DEFB121: variants seen among roughly 807,000 people sequenced by gnomAD.
DEFB121 encodes defensin beta 121.
In DEFB121, 5 loss-of-function variants were observed where a neutral mutation model predicts 2.5. The ratio of observed to expected loss-of-function variants is 1.96; its 90% CI spans 1.03 to 4.13. DEFB121 has a LOEUF of 4.13. Ranked by LOEUF, DEFB121 falls within the 30% of genes most tolerant of loss-of-function variation. The pLI, the probability that DEFB121 is intolerant of heterozygous loss-of-function variation, is 0.00. For missense variants in DEFB121, 87 were observed against 85.0 expected (o/e 1.02, Z -0.09); for synonymous variants, 39 against 32.6 (o/e 1.20, Z -0.67).
rs569647064 is a variant in DEFB121 at position 31,406,163 on chromosome 20, T to C, written c.-11A>G. 1.9e-6 allele frequency: 3 copies of C among 1,614,014 alleles called. No individual in the cohort carries two copies. The African/African-American group carries it at 4.0e-5, about 22-fold the overall frequency. On this transcript the variant is annotated 5_prime_UTR_variant, in exon 1 of 2. Transcript: ENST00000376314. Reference sequence around the variant, plus strand: ...AAGAAGGAGCTTCATGAATGATGAATGATCAGGGAGGGATAGGAGGCTTCT... The same window carrying C: ...AAGAAGGAGCTTCATGAATGATGAACGATCAGGGAGGGATAGGAGGCTTCT...
rs967966294 is a variant in DEFB121 at position 31,404,926 on chromosome 20, G to A, written c.218C>T (p.Thr73Ile). The change falls in exon 2 of 2, where the codon ACT (threonine) becomes ATT (isoleucine). Residue 73 changes from threonine to isoleucine, a missense_variant. By Grantham distance (89) the Thr-to-Ile change is moderately conservative (BLOSUM62 -1). Coordinates refer to ENST00000376314, the MANE Select transcript of DEFB121 (RefSeq NM_001011878.3). ...LTDTNTSLES[T>I]SAV ...GGAAGAGAGGTGTCAGACTGCAGAAGTTGATTCCAGGCTTGTATTTGTGTC... is the reference window on the plus strand; with the variant it reads ...GGAAGAGAGGTGTCAGACTGCAGAAATTGATTCCAGGCTTGTATTTGTGTC... 1.2e-6 allele frequency: 2 copies of A among 1,613,866 alleles called. No homozygotes were observed. Among genetic ancestry groups the A allele is most frequent in the Non-Finnish European group, 8.5e-7 (1 of 1,179,986 alleles).
chr20:31,418,265 A>AAAAAAAAC, the DEFB121 span, among the ~76,000 whole-genome samples: 1 of 83,320 alleles, frequency 1.2e-5, no homozygotes, highest in African/African-American at 8.8e-5. Context: ...GTCTCAAAAA[A>AAAAAAAAC]AAAAAAAAAA....
At chr20:31,408,025 C>T (rs557022923), upstream of DEFB121, among the ~76,000 whole-genome samples, 3 of 152,312 alleles carry the variant, frequency 2.0e-5, no homozygotes, top group East Asian at 5.8e-4. Flanking sequence ...GTGATCCACC[C>T]GCCTCAGCCT....
rs1978427637 is a variant in DEFB121 at position 31,405,002 on chromosome 20, C to T, written c.142G>A (p.Ala48Thr). 2 of 1,613,886 alleles carry T rather than the reference C, an allele frequency of 1.2e-6. No individual in the cohort carries two copies. The highest frequency in any genetic ancestry group is 1.3e-5 in the African/African-American group (1 of 74,904). ...EVYYILCKTE[A>T]KCCVDPKYVP... ...TACTTGGGATCCACACAGCACTTAG[C>T]CTCAGTTTTGCATAATATATAGTAT... The change falls in exon 2 of 2, where the codon GCT becomes ACT. Residue 48 changes from alanine to threonine, a missense_variant. Coordinates refer to ENST00000376314, the MANE Select transcript of DEFB121 (RefSeq NM_001011878.3).
chr20:31,414,686 C>CA (rs1356747486), upstream of DEFB121, among the ~76,000 whole-genome samples: 16 of 152,142 alleles, frequency 1.1e-4, no homozygotes, highest in Non-Finnish European at 4.4e-5. Flanking sequence ...TGATGATTGT[C>CA]AGGAGCTGGG....
chr20:31,416,273 C>G (rs34098538), upstream of DEFB121, among the ~76,000 whole-genome samples: 65,916 of 152,026 alleles, frequency 0.43, 16,847 homozygotes, highest in East Asian at 0.74. Flanking sequence ...GTTAGCCAGG[C>G]TGGTCTCAAA....
chr20:31,404,935 A>C lies in DEFB121; in HGVS notation c.209T>G (p.Leu70Arg). The change falls in exon 2 of 2, where the codon CTG (leucine) becomes CGG (arginine). Residue 70 changes from leucine to arginine, a missense_variant. Physicochemically the swap from Leu to Arg is moderately radical, Grantham distance 102. Coordinates refer to ENST00000376314, the MANE Select transcript of DEFB121 (RefSeq NM_001011878.3). ...KPKLTDTNTS[L>R]ESTSAV ...GTGTCAGACTGCAGAAGTTGATTCC[A>C]GGCTTGTATTTGTGTCTGTTAATTT... 2 of 1,613,978 alleles carry C rather than the reference A, an allele frequency of 1.2e-6. No homozygotes were observed. Among genetic ancestry groups the C allele is most frequent in the Non-Finnish European group, 1.7e-6 (2 of 1,179,978 alleles).
exon 1 of DEFB121, chr20:31,412,634 C>G (rs1411351158): frequency 7.7e-7 from 1 of 1,290,806 alleles, no homozygotes; most frequent in Admixed American, 2.3e-5. Context: ...TCCTTGACTT[C>G]TTGAAACATT....
At chr20:31,414,337 C>A (rs1443006532), upstream of DEFB121, among the ~76,000 whole-genome samples, 1 of 152,106 alleles carries the variant, frequency 6.6e-6, no homozygotes. Context: ...ATGACCCAGC[C>A]ATTCCATTTC....
At chr20:31,411,828 T>C (rs776165954) in intron 1 of DEFB121, among the ~76,000 whole-genome samples, 8 of 152,192 alleles carry the variant, frequency 5.3e-5, no homozygotes, top group Non-Finnish European at 8.8e-5. Flanking sequence ...CCCCTTTAAG[T>C]AGGTTTCTGC....
At chr20:31,417,549 A>G (rs1978841650), upstream of DEFB121, among the ~76,000 whole-genome samples, 1 of 152,202 alleles carries the variant, frequency 6.6e-6, no homozygotes, top group African/African-American at 2.4e-5. Flanking sequence ...AACAAAGACC[A>G]GGAAATTATC....
Position 31,406,132 on chromosome 20 carries a change from A to T in DEFB121, c.21T>A (p.Leu7=), listed in dbSNP as rs370680644. MKLLLL[L]LTVTLLLAQV... ...GGGCCAGGAGCAGAGTAACAGTCAA[A>T]AGCAGAAGAAGGAGCTTCATGAATG... The change falls in exon 1 of 2, where the codon CTT becomes CTA. Residue 7 remains leucine, a synonymous_variant. Coordinates refer to ENST00000376314, the MANE Select transcript of DEFB121 (RefSeq NM_001011878.3). 30 of 1,614,036 alleles carry T rather than the reference A, an allele frequency of 1.9e-5. No individual in the cohort carries two copies. Among genetic ancestry groups the T allele is most frequent in the Non-Finnish European group, 2.4e-5 (28 of 1,179,994 alleles).
chr20:31,413,406 C>T (rs1272767811), upstream of DEFB121, among the ~76,000 whole-genome samples: 2 of 152,190 alleles, frequency 1.3e-5, no homozygotes, highest in Non-Finnish European at 2.9e-5. Context: ...GGATACTGTC[C>T]TCTAACAGCC....
chr20:31,408,490 A>T (rs1007657201), upstream of DEFB121, among the ~76,000 whole-genome samples: 1 of 148,854 alleles, frequency 6.7e-6, no homozygotes, highest in African/African-American at 2.5e-5. Context: ...TGTTGTCTGA[A>T]GAAAAATTAA....
chr20:31,416,054 TTTTG>T (rs58327582), upstream of DEFB121, among the ~76,000 whole-genome samples: 4 of 150,976 alleles, frequency 2.6e-5, no homozygotes, highest in South Asian at 6.3e-4. Context: ...CTTCCCACTT[TTTTG>T]TTTGTTTGTT....
intron 1 of DEFB121, among the ~76,000 whole-genome samples, chr20:31,412,001 A>G (rs140511339): frequency 6.6e-6 from 1 of 152,240 alleles, no homozygotes; most frequent in African/African-American, 2.4e-5. Flanking sequence ...CCCATAAGTC[A>G]TAAGTGACCC....
chr20:31,411,301 T>C (rs1019248423), intron 1 of DEFB121, among the ~76,000 whole-genome samples: 1 of 152,230 alleles, frequency 6.6e-6, no homozygotes, highest in African/African-American at 2.4e-5. Flanking sequence ...TAACTTCTAC[T>C]GATATCCAAC....
chr20:31,417,242 G>C (rs1978832077), upstream of DEFB121, among the ~76,000 whole-genome samples: 1 of 152,102 alleles, frequency 6.6e-6, no homozygotes, highest in Admixed American at 6.5e-5. Context: ...GTACTTGGGA[G>C]GCTGAGGCAG....
upstream of DEFB121, among the ~76,000 whole-genome samples, chr20:31,417,390 A>C (rs1978836526): frequency 6.6e-6 from 1 of 152,148 alleles, no homozygotes; most frequent in Non-Finnish European, 1.5e-5. Flanking sequence ...AAACTTAGAA[A>C]TTAAAAGTAC....
Sources: allele counts gnomAD v4.1 joint callset (sites outside exome capture counted in the v4.1 genomes callset), GRCh38; gene constraint gnomAD v4.1.1; transcripts MANE v1.5; gene names NCBI Gene and HGNC (gene_info 2026-07-23, HGNC 2026-07-21).